SLCO3A1: variants seen among roughly 807,000 people sequenced by gnomAD.
SLCO3A1 encodes the protein PGE1 transporter.
In SLCO3A1, 27 loss-of-function variants were observed where a neutral mutation model predicts 63.1. The observed-to-expected ratio is 0.43, with a 90% CI of 0.32 to 0.59. The LOEUF is 0.59. Among genes scored for constraint, SLCO3A1 ranks in the 20% least tolerant of loss-of-function variants. The pLI, the probability that SLCO3A1 is intolerant of heterozygous loss-of-function variation, is 0.09. For missense variants in SLCO3A1, 773 were observed against 945.8 expected (o/e 0.82, Z 2.40); for synonymous variants, 473 against 409.9 (o/e 1.15, Z -1.86).
intron 2 of SLCO3A1, among the ~76,000 whole-genome samples, chr15:92,016,201 TTATA>T (rs757446871): frequency 3.5e-3 from 219 of 62,746 alleles, no homozygotes; most frequent in Non-Finnish European, 6.7e-3. Flanking sequence ...GTATATATAT[TTATA>T]TAGATAGATA....
intron 2 of SLCO3A1, among the ~76,000 whole-genome samples, chr15:92,001,398 G>A (rs2046253201): frequency 6.6e-6 from 1 of 152,078 alleles, no homozygotes; most frequent in African/African-American, 2.4e-5. Flanking sequence ...TGGTCACTGT[G>A]GTCCATTAGG....
Position 92,143,416 on chromosome 15 carries a change from T to A in SLCO3A1, c.1513-3568T>A, listed in dbSNP as rs1292284531. 4.3e-3 allele frequency among the ~76,000 whole-genome samples: 10 copies of A among 2,348 alleles called. 2 individuals are homozygous for A. The East Asian group carries it at 0.11, about 25-fold the overall frequency. The allele number at this position is 2,348 out of a possible 152,430, so 1.5% of individuals were successfully genotyped here. On this transcript the variant is annotated intron_variant, in intron 7 of 9. Transcript: ENST00000318445. ...TATTATATAATATATATAATATATA[T>A]ATTATATATATATAATATATATAAT...
intron 2 of SLCO3A1, among the ~76,000 whole-genome samples, chr15:91,966,435 C>G (rs968140888): frequency 1.3e-5 from 2 of 152,320 alleles, no homozygotes; most frequent in Non-Finnish European, 1.5e-5. Flanking sequence ...GTACCAGCAT[C>G]TCTGAGGAAG....
At chr15:92,031,741 A>G (rs2046651499) in intron 2 of SLCO3A1, among the ~76,000 whole-genome samples, 1 of 152,208 alleles carries the variant, frequency 6.6e-6, no homozygotes, top group Admixed American at 6.5e-5. Flanking sequence ...AATGCATAAT[A>G]ATCACATCAG....
At chr15:92,003,167 C>T (rs796393218) in intron 2 of SLCO3A1, among the ~76,000 whole-genome samples, 5 of 152,244 alleles carry the variant, frequency 3.3e-5, no homozygotes, top group African/African-American at 1.2e-4. Context: ...ATAGGAAGGG[C>T]CATTCTGTCA....
At chr15:92,014,249 C>T (rs115425863) in intron 2 of SLCO3A1, among the ~76,000 whole-genome samples, 1,839 of 152,192 alleles carry the variant, frequency 0.012, 48 homozygotes, top group African/African-American at 0.042. Flanking sequence ...CACTGGGCCA[C>T]GGGGGCAGTG....
At chr15:91,955,823 T>G (rs1459709821) in intron 2 of SLCO3A1, among the ~76,000 whole-genome samples, 2 of 152,210 alleles carry the variant, frequency 1.3e-5, no homozygotes, top group Non-Finnish European at 2.9e-5. Flanking sequence ...CAAACAGCAG[T>G]GACTGCCACG....
At chr15:91,947,088 T>C (rs919380148) in intron 2 of SLCO3A1, among the ~76,000 whole-genome samples, 3 of 152,202 alleles carry the variant, frequency 2.0e-5, no homozygotes, top group African/African-American at 7.2e-5. Flanking sequence ...ATTTTGGCCT[T>C]TGGCCCTGTG....
intron 7 of SLCO3A1, among the ~76,000 whole-genome samples, chr15:92,129,190 T>C (rs80174501): frequency 0.042 from 6,327 of 152,268 alleles, 379 homozygotes; most frequent in African/African-American, 0.13. Flanking sequence ...AGGTCCTACC[T>C]GGCCTCCCAG....
intron 7 of SLCO3A1, among the ~76,000 whole-genome samples, chr15:92,136,130 G>T (rs1019964785): frequency 1.3e-5 from 2 of 152,140 alleles, no homozygotes; most frequent in African/African-American, 2.4e-5. Context: ...AAAGAGAAAA[G>T]AAATTTTCAT....
chr15:91,935,921 GACCTAATTATTAAAGTTTGC>G (rs768928643), intron 2 of SLCO3A1, among the ~76,000 whole-genome samples: 1 of 151,388 alleles, frequency 6.6e-6, no homozygotes, highest in Non-Finnish European at 1.5e-5. Flanking sequence ...GGAAATATAA[GACCTAATTATTAAAGTTTGC>G]ACAGCTTATC....
At chr15:91,971,252 G>A (rs982643266) in intron 2 of SLCO3A1, among the ~76,000 whole-genome samples, 10 of 151,680 alleles carry the variant, frequency 6.6e-5, no homozygotes, top group Non-Finnish European at 1.3e-4. Flanking sequence ...AAAATTAGCC[G>A]AGCATGGTGG....
chr15:92,157,561 G>A (rs1596156130), intron 9 of SLCO3A1, among the ~76,000 whole-genome samples: 1 of 151,430 alleles, frequency 6.6e-6, no homozygotes, highest in African/African-American at 2.4e-5. Flanking sequence ...TGTGATCTTG[G>A]CTCACTGCAA....
At chr15:91,984,868 G>A (rs759616467) in intron 2 of SLCO3A1, among the ~76,000 whole-genome samples, 3 of 152,178 alleles carry the variant, frequency 2.0e-5, no homozygotes, top group Admixed American at 6.5e-5. Context: ...AGGGGAATGA[G>A]AGGCCCTGCC....
intron 2 of SLCO3A1, among the ~76,000 whole-genome samples, chr15:92,009,946 A>G (rs1370136469): frequency 6.6e-6 from 1 of 152,186 alleles, no homozygotes; most frequent in East Asian, 1.9e-4. Context: ...ACAGTGGCAC[A>G]TGGAAGTCTT....
At chr15:92,010,629 T>A (rs1163849540) in intron 2 of SLCO3A1, among the ~76,000 whole-genome samples, 1 of 152,158 alleles carries the variant, frequency 6.6e-6, no homozygotes, top group African/African-American at 2.4e-5. Context: ...CAAAACAAAA[T>A]TCATTTAAAT....
chr15:92,164,320 A>G lies in SLCO3A1; in HGVS notation c.*1185A>G. 1.0e-6 allele frequency: 1 copy of G among 985,200 alleles called. No individual in the cohort carries two copies. Among genetic ancestry groups the G allele is most frequent in the Non-Finnish European group, 1.2e-6 (1 of 829,678 alleles). The allele number at this position is 985,200 out of a possible 1,614,324, so 61.0% of individuals were successfully genotyped here. The stretch of plus-strand genomic sequence containing the variant: ...ATACAATGTGTTACAAGAAGAAAAA[A>G]AAATGCTTCAAAAAGAGAGTGTATA... On this transcript the variant is annotated 3_prime_UTR_variant, in exon 10 of 10. Transcript: ENST00000318445.
At chr15:92,017,364 A>C (rs2046450954) in intron 2 of SLCO3A1, among the ~76,000 whole-genome samples, 1 of 152,128 alleles carries the variant, frequency 6.6e-6, no homozygotes, top group South Asian at 2.1e-4. Flanking sequence ...ATATAAACTT[A>C]AAAAGCTGTA....
At chr15:92,097,735 G>C (rs907670848) in intron 3 of SLCO3A1, among the ~76,000 whole-genome samples, 1 of 150,408 alleles carries the variant, frequency 6.6e-6, no homozygotes, top group Non-Finnish European at 1.5e-5. Flanking sequence ...CGGAGGCACC[G>C]TGAGGCACCG....
Sources: allele counts gnomAD v4.1 joint callset (sites outside exome capture counted in the v4.1 genomes callset), GRCh38; gene constraint gnomAD v4.1.1; transcripts MANE v1.5; gene names NCBI Gene and HGNC (gene_info 2026-07-23, HGNC 2026-07-21).